CSMD1: variants seen among roughly 807,000 people sequenced by gnomAD.
CSMD1 encodes the protein CUB and Sushi multiple domains 1.
A neutral mutation model predicts 417.5 loss-of-function variants in CSMD1; 213 were observed. The observed-to-expected ratio is 0.51, with a 90% confidence interval of 0.46 to 0.57. The LOEUF (loss-of-function observed/expected upper bound fraction) is 0.57. Among genes scored for constraint, CSMD1 ranks in the 20% least tolerant of loss-of-function variants. CSMD1 has a pLI of 0.00. For synonymous variants in CSMD1, 2,862 were observed against 1,736.8 expected, an observed-to-expected ratio of 1.65 and a Z score of -16.11; for missense variants, 6,923 against 4,529.7, an observed-to-expected ratio of 1.53 and a Z score of -15.17.
intron 1 of CSMD1, among the ~76,000 whole-genome samples, chr8:4,651,116 C>A (rs780941987): frequency 5.9e-5 from 9 of 151,898 alleles, no homozygotes; most frequent in Non-Finnish European, 1.2e-4. Context: ...CGAATGGCAG[C>A]AAAAAGCTGA....
At chr8:3,950,626 T>C (rs1811538195) in intron 5 of CSMD1, among the ~76,000 whole-genome samples, 1 of 152,154 alleles carries the variant, frequency 6.6e-6, no homozygotes. Flanking sequence ...AGCAGGAACG[T>C]GTTTGATCTT....
chr8:4,072,452 A>G (rs1264152093), intron 3 of CSMD1, among the ~76,000 whole-genome samples: 1 of 152,168 alleles, frequency 6.6e-6, no homozygotes, highest in African/African-American at 2.4e-5. Context: ...TCTGGGAGAT[A>G]GACTTTATTA....
intron 2 of CSMD1, among the ~76,000 whole-genome samples, chr8:4,595,523 T>G (rs1025789138): frequency 3.9e-5 from 6 of 152,242 alleles, no homozygotes; most frequent in African/African-American, 9.6e-5. Flanking sequence ...TTCATGCTAA[T>G]GTCTACTGTA....
intron 3 of CSMD1, among the ~76,000 whole-genome samples, chr8:4,050,975 T>C (rs1157258480): frequency 2.0e-5 from 3 of 152,074 alleles, no homozygotes; most frequent in African/African-American, 7.2e-5. Context: ...AGGCTGCAGA[T>C]GGAGGAGGAG....
At position 3,270,046 on chromosome 8, in the gene CSMD1, C is replaced by CTT. The variant is rs200994813; in HGVS notation, c.4153+14096_4153+14097dup. Among the ~76,000 whole-genome samples, 532 of 118,354 alleles carry CTT rather than the reference C, an allele frequency of 4.5e-3. 10 individuals carry two copies. The highest frequency in any genetic ancestry group is 0.015 in the African/African-American group (492 of 32,464). The allele number at this position is 118,354 out of a possible 152,430, so 77.6% of individuals were successfully genotyped here. A position where few individuals can be genotyped will look rare whatever the true frequency, so the allele number is the denominator to read the frequency against. On this transcript the variant is annotated intron_variant, in intron 26 of 69. Coordinates refer to ENST00000635120, the MANE Select transcript of CSMD1 (RefSeq NM_033225.6). The stretch of plus-strand genomic sequence containing the variant: ...GAGCAAGGACTTTCTCTAACCTCTT[C>CTT]TTTTTTTTTTTTTTTTTTTTTGAGA...
Position 4,076,871 on chromosome 8 carries a change from T to C in CSMD1, c.416-44772A>G, listed in dbSNP as rs73190311. 9.1e-3 allele frequency among the ~76,000 whole-genome samples: 1,387 copies of C among 152,260 alleles called. 15 individuals carry two copies. Among genetic ancestry groups the C allele is most frequent in the South Asian group, 0.044 (213 of 4,814 alleles). On this transcript the variant is annotated intron_variant, in intron 3 of 69. Coordinates refer to ENST00000635120, the MANE Select transcript of CSMD1 (RefSeq NM_033225.6). ...GATAGGCTACTCTTTTCTCATTTTT[T>C]CCATTATCTTTCCAGTCTGAAGAAC...
intron 2 of CSMD1, among the ~76,000 whole-genome samples, chr8:4,631,359 C>G (rs1802501604): frequency 6.6e-6 from 1 of 150,954 alleles, no homozygotes; most frequent in Non-Finnish European, 1.5e-5. Flanking sequence ...AAGATTCAGT[C>G]TCAAGACAAT....
intron 2 of CSMD1, among the ~76,000 whole-genome samples, chr8:4,470,201 C>A (rs1002273928): frequency 6.6e-6 from 1 of 152,208 alleles, no homozygotes; most frequent in African/African-American, 2.4e-5. Flanking sequence ...GATCCTTCAC[C>A]TGCCTCCTCT....
intron 3 of CSMD1, among the ~76,000 whole-genome samples, chr8:4,177,673 A>T (rs1253889205): frequency 3.5e-5 from 5 of 142,996 alleles, no homozygotes; most frequent in Non-Finnish European, 6.1e-5. Flanking sequence ...CAAAATTGAT[A>T]GACCGCTAGC....
At chr8:3,453,733 T>C (rs1198551409) in intron 12 of CSMD1, among the ~76,000 whole-genome samples, 4 of 152,168 alleles carry the variant, frequency 2.6e-5, no homozygotes, top group African/African-American at 4.8e-5. Context: ...TACTTACAAC[T>C]ATGTGGTCAA....
At chr8:4,771,584 G>T (rs1416747275) in intron 1 of CSMD1, among the ~76,000 whole-genome samples, 2 of 152,214 alleles carry the variant, frequency 1.3e-5, no homozygotes, top group Non-Finnish European at 2.9e-5. Context: ...GAAATGGGAT[G>T]TTGAAATATT....
chr8:4,568,103 C>G (rs1326767491), intron 2 of CSMD1, among the ~76,000 whole-genome samples: 1 of 152,146 alleles, frequency 6.6e-6, no homozygotes, highest in Non-Finnish European at 1.5e-5. Context: ...ATAAAATACT[C>G]ATATTCAAAA....
At chr8:4,676,342 C>G (rs998509136) in intron 1 of CSMD1, among the ~76,000 whole-genome samples, 1 of 152,138 alleles carries the variant, frequency 6.6e-6, no homozygotes, top group Non-Finnish European at 1.5e-5. Context: ...CTGTATCCAT[C>G]TGCCCTGAAC....
intron 2 of CSMD1, among the ~76,000 whole-genome samples, chr8:4,593,126 G>A (rs1042104510): frequency 3.9e-5 from 6 of 152,146 alleles, no homozygotes; most frequent in African/African-American, 1.4e-4. Context: ...CTTTCTTAGG[G>A]TGAATGGAGG....
At chr8:4,738,957 G>C (rs561365580) in intron 1 of CSMD1, among the ~76,000 whole-genome samples, 2 of 146,142 alleles carry the variant, frequency 1.4e-5, no homozygotes, top group Non-Finnish European at 3.0e-5. Context: ...ATTTTGAAGG[G>C]CTTGAATAAT....
chr8:4,437,834 CTG>C (rs1563172488), intron 2 of CSMD1, among the ~76,000 whole-genome samples: 4 of 152,178 alleles, frequency 2.6e-5, no homozygotes, highest in Non-Finnish European at 5.9e-5. Flanking sequence ...GTCTGTAAAA[CTG>C]TGCAGGTCTG....
chr8:3,158,149 A>G (rs1477888743), intron 38 of CSMD1, among the ~76,000 whole-genome samples, 183 bp from the exon 39 acceptor site: 2 of 152,198 alleles, frequency 1.3e-5, no homozygotes, highest in African/African-American at 4.8e-5. Flanking sequence ...ACCAACATAG[A>G]AAAGTATCCA....
chr8:4,065,075 C>T (rs1362036878), intron 3 of CSMD1, among the ~76,000 whole-genome samples: 2 of 151,940 alleles, frequency 1.3e-5, no homozygotes, highest in South Asian at 2.1e-4. Flanking sequence ...ATAATTTTAC[C>T]GAATATAAAA....
intron 20 of CSMD1, 61 bp from the exon 21 acceptor site, chr8:3,359,401 T>C (rs1008696031): frequency 5.4e-6 from 6 of 1,107,870 alleles, no homozygotes; most frequent in African/African-American, 3.6e-5. Context: ...AAAGATTAAA[T>C]AGCAAGAATA....
Sources: gnomAD v4.1 joint callset for allele counts (sites outside exome capture counted in the v4.1 genomes callset) on GRCh38, gnomAD v4.1.1 for gene constraint, MANE v1.5 for transcripts, NCBI Gene and HGNC (gene_info 2026-07-23, HGNC 2026-07-21) for gene names.